The following ADNP2 variants were observed in gnomAD, a reference collection of about 807,000 sequenced individuals.
ADNP2 encodes the protein activity-dependent neuroprotector homeobox protein 2.
A neutral mutation model predicts 16.4 loss-of-function variants in ADNP2; 8 were observed. The ratio of observed to expected loss-of-function variants is 0.49; its 90% CI spans 0.29 to 0.88. The LOEUF is 0.88. Among genes scored for constraint, ADNP2 ranks in the 40% least tolerant of loss-of-function variants. ADNP2 has a pLI of 0.09. For synonymous variants in ADNP2, 637 were observed against 545.8 expected (o/e 1.17, Z -2.33); for missense variants, 1,397 against 1,395.1 (o/e 1.00, Z -0.02).
chr18:80,126,542 AT>A (rs753731785), intron 2 of ADNP2, among the ~76,000 whole-genome samples: 6 of 151,746 alleles, frequency 4.0e-5, no homozygotes, highest in East Asian at 3.9e-4. Flanking sequence ...GTGGAATGCT[AT>A]TTTTTTCCCC....
At chr18:80,121,941 G>C (rs1207767115) in intron 2 of ADNP2, among the ~76,000 whole-genome samples, 5 of 150,696 alleles carry the variant, frequency 3.3e-5, no homozygotes, top group African/African-American at 1.2e-4. Flanking sequence ...TTTTGAGACT[G>C]AGTCTTGCTC....
chr18:80,123,393 G>A (rs973528104), intron 2 of ADNP2, among the ~76,000 whole-genome samples: 1 of 151,790 alleles, frequency 6.6e-6, no homozygotes, highest in Admixed American at 6.6e-5. Context: ...TTTTTTGAGA[G>A]GGAGTTGCGT....
chr18:80,124,930 A>G (rs1023205387), intron 2 of ADNP2, among the ~76,000 whole-genome samples: 1 of 152,222 alleles, frequency 6.6e-6, no homozygotes, highest in Non-Finnish European at 1.5e-5. Flanking sequence ...AAAATTTCAT[A>G]ATATATAGGC....
intron 1 of ADNP2, among the ~76,000 whole-genome samples, chr18:80,114,845 C>T (rs531096946): frequency 6.6e-6 from 1 of 152,146 alleles, no homozygotes; most frequent in South Asian, 2.1e-4. Context: ...CCTCAAGAGG[C>T]ATCTTCACTC....
intron 1 of ADNP2, among the ~76,000 whole-genome samples, chr18:80,110,565 G>A (rs1447491786): frequency 2.0e-5 from 3 of 152,124 alleles, no homozygotes; most frequent in African/African-American, 7.2e-5. Context: ...CCATTTTTGG[G>A]GGTGAGGAGC....
chr18:80,136,469 T>C lies in ADNP2; in HGVS notation c.1056T>C (p.Pro352=), dbSNP rs759675820. 2 of 1,613,956 alleles carry C rather than the reference T, an allele frequency of 1.2e-6. No individual in the cohort carries two copies. Among genetic ancestry groups the C allele is most frequent in the East Asian group, 2.2e-5 (1 of 44,822 alleles). Residue 352 remains proline (P), a synonymous_variant, in exon 4 of 4, where the codon CCT becomes CCC. Transcript: ENST00000262198. The part of the protein sequence containing the change: ...QNSLTLQPPA[P]QPVFLSHGVP... ...GCCTCACCCTGCAGCCCCCAGCACCTCAGCCCGTCTTTCTTTCTCACGGGG... is the reference window on the plus strand; with the variant it reads ...GCCTCACCCTGCAGCCCCCAGCACCCCAGCCCGTCTTTCTTTCTCACGGGG...
At chr18:80,124,559 C>T (rs903372051) in intron 2 of ADNP2, among the ~76,000 whole-genome samples, 1 of 152,160 alleles carries the variant, frequency 6.6e-6, no homozygotes, top group African/African-American at 2.4e-5. Context: ...CCTCCAGGAA[C>T]CTCCATGAGT....
chr18:80,110,908 C>G (rs1461219888), intron 1 of ADNP2, among the ~76,000 whole-genome samples: 1 of 151,938 alleles, frequency 6.6e-6, no homozygotes, highest in African/African-American at 2.4e-5. Context: ...AGGAGTTGAT[C>G]ACTGTTTATG....
intron 2 of ADNP2, among the ~76,000 whole-genome samples, chr18:80,120,349 T>TG (rs2052416577): frequency 6.6e-6 from 1 of 151,458 alleles, no homozygotes; most frequent in Non-Finnish European, 1.5e-5. Context: ...TTTTTTTTTT[T>TG]GAGACAGGGT....
At chr18:80,132,975 C>T in intron 2 of ADNP2, 128 bp from the exon 3 acceptor site, 1 of 700,338 alleles carries the variant, frequency 1.4e-6, no homozygotes, top group South Asian at 1.7e-5. Context: ...CCCTCCTCAA[C>T]CTCCCAAAGT....
chr18:80,133,135 C>A lies in ADNP2; in HGVS notation c.141C>A (p.Tyr47Ter). 1 of 1,611,574 alleles carries A rather than the reference C, an allele frequency of 6.2e-7. No individual in the cohort carries two copies. The highest frequency in any genetic ancestry group is 8.5e-7 in the Non-Finnish European group (1 of 1,179,224). ...AAGGCTTTGATCCAGGAGAGAAATA[C>A]TTTCATAACACATCATGGGGTGATG... ...DLKGFDPGEK[Y>*]FHNTSWGDVS... The change falls in exon 3 of 4, where the codon TAC becomes TAA. Residue 47 changes from tyrosine to a stop codon, truncating the protein, a stop_gained. Coordinates refer to ENST00000262198, the MANE Select transcript of ADNP2 (RefSeq NM_014913.4). LOFTEE classifies it high-confidence loss of function.
Position 80,135,739 on chromosome 18 carries a change from C to T in ADNP2, c.326C>T (p.Pro109Leu). 1 of 1,614,186 alleles carries T rather than the reference C, an allele frequency of 6.2e-7. No individual in the cohort carries two copies. Among genetic ancestry groups the T allele is most frequent in the Non-Finnish European group, 8.5e-7 (1 of 1,180,038 alleles). The change falls in exon 4 of 4, where the codon CCA (proline) becomes CTA (leucine). Residue 109 changes from proline (P) to leucine (L), a missense_variant. Pro to Leu is a moderately conservative substitution (Grantham distance 98). Transcript: ENST00000262198. The part of the protein sequence containing the change: ...EIDQELVIPC[P>L]NCVFASQPKV... ...GACCAAGAGCTGGTGATCCCTTGCC[C>T]AAACTGTGTATTTGCATCTCAGCCC...
rs773839478 is a variant in ADNP2 at position 80,137,952 on chromosome 18, A to G, written c.2539A>G (p.Ile847Val). The change falls in exon 4 of 4, where the codon ATA becomes GTA. Residue 847 changes from isoleucine to valine, a missense_variant. Ile to Val is a conservative substitution (Grantham distance 29). Coordinates refer to ENST00000262198, the MANE Select transcript of ADNP2 (RefSeq NM_014913.4). This position sits in a 1 kb window ranked among gnomAD's most constrained non-coding sequence, Gnocchi z 4.2. ...REVYLAILAG[I>V]HSKSLVPVYV... ...AGTCTACTTGGCAATCCTGGCTGGG[A>G]TACACTCCAAGTCACTGGTGCCTGT... 10 of 1,613,162 alleles carry G rather than the reference A, an allele frequency of 6.2e-6. No homozygotes were observed. The highest frequency in any genetic ancestry group is 7.6e-6 in the Non-Finnish European group (9 of 1,180,028).
In ADNP2 at chr18:80,114,541, C is replaced by T. The variant is rs559061889; in HGVS notation, c.-13-2989C>T. Among the ~76,000 whole-genome samples, 22 of 152,270 alleles carry T rather than the reference C, an allele frequency of 1.4e-4. No individual in the cohort carries two copies. In the East Asian group the frequency reaches 2.7e-3, roughly 19 times the overall value. On this transcript the variant is annotated intron_variant, in intron 1 of 3. Transcript: ENST00000262198. ...AGTTGCCAAAAAAGTTGCCACATTA[C>T]CCTAAATACTACAAACAAGAACATT... is the stretch of plus-strand genomic sequence containing the variant.
chr18:80,136,951 A>G lies in ADNP2; in HGVS notation c.1538A>G (p.Gln513Arg). The G allele has an allele frequency of 6.2e-7, 1 of 1,613,846 alleles. No homozygotes were observed. Among genetic ancestry groups the G allele is most frequent in the Non-Finnish European group, 8.5e-7 (1 of 1,179,826 alleles). Residue 513 changes from glutamine (Q) to arginine (R), a missense_variant, in exon 4 of 4, where the codon CAG becomes CGG. Around this residue, in one of 3 missense-constraint regions of ADNP2, gnomAD observed 777 missense variants for 719.4 expected, o/e 1.08. Coordinates refer to ENST00000262198, the MANE Select transcript of ADNP2 (RefSeq NM_014913.4). ...TAPLRVISAG[Q>R]VVPSGLLSPN... ...CCATTGAGGGTTATCTCTGCAGGCC[A>G]GGTGGTCCCGTCTGGGCTTCTTTCT... is the stretch of plus-strand genomic sequence containing the variant.
chr18:80,125,733 C>T (rs1460886572), intron 2 of ADNP2, among the ~76,000 whole-genome samples: 4 of 152,114 alleles, frequency 2.6e-5, no homozygotes. Flanking sequence ...ATCCCTTGAG[C>T]CCAGGAGTTC....
At chr18:80,111,333 C>T (rs1057344348) in intron 1 of ADNP2, among the ~76,000 whole-genome samples, 1 of 152,194 alleles carries the variant, frequency 6.6e-6, no homozygotes, top group African/African-American at 2.4e-5. Flanking sequence ...CTCATAACTA[C>T]TCTGTGAATT....
chr18:80,120,375 A>G (rs1260465946), intron 2 of ADNP2, among the ~76,000 whole-genome samples: 4 of 145,042 alleles, frequency 2.8e-5, no homozygotes, highest in South Asian at 4.3e-4. Flanking sequence ...TCTTTTACCC[A>G]GGCTGGAGTG....
Position 80,138,073 on chromosome 18 carries a change from C to G in ADNP2, c.2660C>G (p.Thr887Ser). 1 of 1,613,912 alleles carries G rather than the reference C, an allele frequency of 6.2e-7. No individual in the cohort carries two copies. The highest frequency in any genetic ancestry group is 8.5e-7 in the Non-Finnish European group (1 of 1,180,044). The change falls in exon 4 of 4, where the codon ACT becomes AGT. Residue 887 changes from threonine to serine, a missense_variant. Thr to Ser is a moderately conservative substitution (Grantham distance 58, BLOSUM62 1). Transcript: ENST00000262198. ...TTTTGCTTTGGCCCCTTTGTGACAACTGAGGCCTATGAGCTGCATTTGAAG... is the reference window on the plus strand; with the variant it reads ...TTTTGCTTTGGCCCCTTTGTGACAAGTGAGGCCTATGAGCTGCATTTGAAG... ...CPFCFGPFVTTEAYELHLKER... is the reference protein window; with the variant it reads ...CPFCFGPFVTSEAYELHLKER...
Sources: allele counts gnomAD v4.1 joint callset (sites outside exome capture counted in the v4.1 genomes callset), GRCh38; gene constraint gnomAD v4.1.1; regional missense constraint gnomAD v4.1.1; non-coding constraint Gnocchi (gnomAD v3.1); transcripts MANE v1.5; gene names NCBI Gene and HGNC (gene_info 2026-07-23, HGNC 2026-07-21).